Variants in CRIM1 observed in about 807,000 individuals in gnomAD.
The protein encoded by CRIM1 is cysteine rich transmembrane BMP regulator 1, also known as cysteine-rich motor neuron 1 protein.
CRIM1 carries 32 observed loss-of-function variants against 116.4 expected under a neutral mutation model. The ratio of observed to expected loss-of-function variants is 0.27; its 90% CI spans 0.21 to 0.37. CRIM1 has a LOEUF of 0.37. CRIM1 is among the 10% of genes least tolerant of loss of function. CRIM1 has a pLI of 1.00. For missense variants in CRIM1, 1,331 were observed against 1,354.8 expected (o/e 0.98, Z 0.28); for synonymous variants, 590 against 509.2 (o/e 1.16, Z -2.13).
chr2:36,544,710 C>T (rs539575457), intron 15 of CRIM1, among the ~76,000 whole-genome samples: 1 of 152,332 alleles, frequency 6.6e-6, no homozygotes, highest in East Asian at 1.9e-4. Context: ...ATGCCTCCTT[C>T]CTGGCCCTCT....
chr2:36,429,668 G>T (rs1159338280), intron 2 of CRIM1, among the ~76,000 whole-genome samples: 1 of 152,198 alleles, frequency 6.6e-6, no homozygotes, highest in East Asian at 1.9e-4. Context: ...TTTGCAAGTG[G>T]ATATGGTATA....
At chr2:36,384,331 C>A (rs186756816) in intron 1 of CRIM1, among the ~76,000 whole-genome samples, 1 of 152,294 alleles carries the variant, frequency 6.6e-6, no homozygotes, top group East Asian at 1.9e-4. Flanking sequence ...GCACAGGCCT[C>A]ATTTATCAGT....
At chr2:36,491,439 A>G (rs1420947319) in intron 7 of CRIM1, among the ~76,000 whole-genome samples, 1 of 152,172 alleles carries the variant, frequency 6.6e-6, no homozygotes, top group East Asian at 1.9e-4. Context: ...TCCTATGTGC[A>G]AAAGACTGCC....
intron 5 of CRIM1, among the ~76,000 whole-genome samples, chr2:36,473,377 C>G (rs905809608): frequency 5.3e-5 from 8 of 152,076 alleles, no homozygotes; most frequent in African/African-American, 1.9e-4. Flanking sequence ...TTAGGAGACA[C>G]CATGCAATTT....
chr2:36,404,012 G>A (rs1320357505), intron 2 of CRIM1, among the ~76,000 whole-genome samples: 2 of 152,146 alleles, frequency 1.3e-5, no homozygotes, highest in East Asian at 3.9e-4. Context: ...GAAGATTAAT[G>A]TGACAGTAAT....
chr2:36,531,837 T>C (rs756738218), intron 13 of CRIM1: 2 of 464,832 alleles, frequency 4.3e-6, no homozygotes, highest in South Asian at 3.2e-5. Flanking sequence ...TGTAATCATA[T>C]GTGATGCAAG....
At chr2:36,384,518 GTAAATA>G (rs1671033809) in intron 1 of CRIM1, among the ~76,000 whole-genome samples, 2 of 152,210 alleles carry the variant, frequency 1.3e-5, no homozygotes, top group Non-Finnish European at 1.5e-5. Flanking sequence ...TGAAAAACGT[GTAAATA>G]TGTTTTTCAA....
At chr2:36,441,537 T>C in intron 3 of CRIM1, 37 bp downstream of exon 3, 1 of 1,597,876 alleles carries the variant, frequency 6.3e-7, no homozygotes. Flanking sequence ...CTTGTTCCTT[T>C]GCATCAGAGG....
At chr2:36,368,184 A>AG (rs1436648794) in intron 1 of CRIM1, among the ~76,000 whole-genome samples, 2 of 152,192 alleles carry the variant, frequency 1.3e-5, no homozygotes, top group Non-Finnish European at 2.9e-5. Flanking sequence ...AGTGCATGAA[A>AG]GGGGGTGTGG....
At chr2:36,396,152 C>T (rs1185583317) in intron 1 of CRIM1, among the ~76,000 whole-genome samples, 1 of 152,074 alleles carries the variant, frequency 6.6e-6, no homozygotes, top group Non-Finnish European at 1.5e-5. Context: ...TCAAGTAATC[C>T]CCGTGCCTTG....
chr2:36,548,248 T>G (rs1338166011), intron 16 of CRIM1, among the ~76,000 whole-genome samples: 1 of 150,618 alleles, frequency 6.6e-6, no homozygotes, highest in Admixed American at 6.6e-5. Flanking sequence ...CTTCAAGGAT[T>G]TGAAATCATT....
At chr2:36,491,182 A>G (rs1680200594) in intron 7 of CRIM1, among the ~76,000 whole-genome samples, 1 of 152,216 alleles carries the variant, frequency 6.6e-6, no homozygotes. Flanking sequence ...ATCTTACATT[A>G]AGAATTTTAT....
At chr2:36,497,396 G>A (rs72866846) in intron 7 of CRIM1, among the ~76,000 whole-genome samples, 95 of 152,188 alleles carry the variant, frequency 6.2e-4, no homozygotes, top group African/African-American at 2.2e-3. Flanking sequence ...TGGCAGTCTT[G>A]GGACTGAAGA....
chr2:36,360,036 G>T (rs1669117077), intron 1 of CRIM1, among the ~76,000 whole-genome samples: 1 of 152,232 alleles, frequency 6.6e-6, no homozygotes, highest in Non-Finnish European at 1.5e-5. Context: ...ATCTTTGGAG[G>T]ATCGAAGGCA....
intron 13 of CRIM1, chr2:36,529,210 C>A (rs1249057251): frequency 4.2e-6 from 2 of 471,074 alleles, no homozygotes; most frequent in Non-Finnish European, 8.8e-6. Flanking sequence ...AAGACCCCAT[C>A]ACAAGAGGGC....
chr2:36,532,626 C>T (rs1162872052), intron 13 of CRIM1, among the ~76,000 whole-genome samples: 8 of 152,274 alleles, frequency 5.3e-5, no homozygotes, highest in Admixed American at 6.5e-5. Flanking sequence ...GATCCTTGTC[C>T]GGGCAAGTGG....
intron 1 of CRIM1, among the ~76,000 whole-genome samples, chr2:36,369,758 C>T (rs939591491): frequency 2.0e-5 from 3 of 152,178 alleles, no homozygotes; most frequent in Non-Finnish European, 4.4e-5. Flanking sequence ...AAAAGATGTA[C>T]TCAGGGTAGT....
At chr2:36,434,034 C>T (rs982801229) in intron 2 of CRIM1, among the ~76,000 whole-genome samples, 8 of 152,052 alleles carry the variant, frequency 5.3e-5, no homozygotes, top group South Asian at 2.1e-4. Context: ...TATGATTGTG[C>T]GGAACAAGTC....
At chr2:36,512,417 T>C in intron 10 of CRIM1, 23 bp downstream of exon 10, 2 of 1,578,758 alleles carry the variant, frequency 1.3e-6, no homozygotes, top group Non-Finnish European at 1.7e-6. Flanking sequence ...ACATGGCCCT[T>C]CCCCCTCAAA....
Sources: allele counts gnomAD v4.1 joint callset (sites outside exome capture counted in the v4.1 genomes callset), GRCh38; gene constraint gnomAD v4.1.1; transcripts MANE v1.5; gene names NCBI Gene and HGNC (gene_info 2026-07-23, HGNC 2026-07-21).